MAK: variants seen among roughly 807,000 people sequenced by gnomAD.
MAK encodes the protein serine/threonine-protein kinase MAK.
A neutral mutation model predicts 82.6 loss-of-function variants in MAK; 65 were observed. The ratio of observed to expected loss-of-function variants is 0.79; its 90% CI spans 0.64 to 0.97. The LOEUF (loss-of-function observed/expected upper bound fraction) is 0.97. MAK is among the 50% of genes least tolerant of loss of function. The probability of loss-of-function intolerance (pLI) is 0.00; values close to 1 mark genes in which losing one functional copy is unlikely to be tolerated. For missense variants in MAK, 703 were observed against 780.2 expected, an observed-to-expected ratio of 0.90 and a Z score of 1.18; for synonymous variants, 250 against 274.2, an observed-to-expected ratio of 0.91 and a Z score of 0.87.
chr6:10,812,275 C>T (rs922878539), intron 5 of MAK, among the ~76,000 whole-genome samples: 4 of 151,996 alleles, frequency 2.6e-5, no homozygotes, highest in Non-Finnish European at 5.9e-5. Context: ...TTTTCCAGTG[C>T]CTATGTTCAG....
At chr6:10,799,561 G>T (rs1184980742) in intron 8 of MAK, among the ~76,000 whole-genome samples, 5 of 152,126 alleles carry the variant, frequency 3.3e-5, no homozygotes, top group Admixed American at 1.3e-4. Context: ...TTTGAGACCA[G>T]TCAGGACAAC....
At chr6:10,770,797 G>GC (rs1361924172) in intron 13 of MAK, among the ~76,000 whole-genome samples, 1 of 152,116 alleles carries the variant, frequency 6.6e-6, no homozygotes, top group African/African-American at 2.4e-5. Context: ...GCTCAATCTG[G>GC]CGTTAGCATA....
intron 1 of MAK, among the ~76,000 whole-genome samples, chr6:10,834,255 A>G (rs574383612): frequency 2.0e-5 from 3 of 152,222 alleles, no homozygotes; most frequent in Non-Finnish European, 4.4e-5. Context: ...AAGTAAGCAT[A>G]AAGAGAATAT....
At chr6:10,807,123 C>T (rs1387486133) in intron 6 of MAK, among the ~76,000 whole-genome samples, 2 of 151,912 alleles carry the variant, frequency 1.3e-5, no homozygotes, top group East Asian at 1.9e-4. Context: ...TCATTCTGCA[C>T]TGTGCAGAAT....
intron 11 of MAK, chr6:10,780,330 CAG>C (rs1005740257): frequency 8.2e-6 from 6 of 729,860 alleles, no homozygotes; most frequent in Non-Finnish European, 1.0e-5. Context: ...ACTATGAAAA[CAG>C]GGTGCTTTGG....
At chr6:10,798,892 C>T (rs1186831217) in intron 8 of MAK, among the ~76,000 whole-genome samples, 2 of 151,970 alleles carry the variant, frequency 1.3e-5, no homozygotes, top group South Asian at 2.1e-4. Flanking sequence ...TGCAGTGGCA[C>T]GATCTTGGCT....
intron 9 of MAK, among the ~76,000 whole-genome samples, chr6:10,794,631 C>T (rs1775357654): frequency 6.6e-6 from 1 of 152,068 alleles, no homozygotes; most frequent in Non-Finnish European, 1.5e-5. Flanking sequence ...AATACTACAG[C>T]AACTGAAGAG....
Position 10,773,085 on chromosome 6 carries a change from C to T in MAK, c.1621G>A (p.Glu541Lys), listed in dbSNP as rs769238012. Reference protein sequence around the residue: ...NAEESIIKPIEKLSCNETFPE... With the variant: ...NAEESIIKPIKKLSCNETFPE... ...AAAGTTTCATTGCATGATAGTTTTT[C>T]GATTGGTTTAATTATGCTTTCTTCT... Residue 541 changes from glutamate to lysine, a missense_variant, in exon 13 of 15, where the codon GAA becomes AAA. Glu to Lys is a moderately conservative substitution (Grantham distance 56). Transcript: ENST00000354489. 7.2e-6 allele frequency: 11 copies of T among 1,525,050 alleles called. No homozygotes were observed. The highest frequency in any genetic ancestry group is 1.4e-5 in the African/African-American group (1 of 72,798). 94.5% of individuals were successfully genotyped at this position (1,525,050 alleles called of 1,614,324 possible).
intron 10 of MAK, among the ~76,000 whole-genome samples, 197 bp downstream of exon 10, chr6:10,791,478 G>A (rs1020769574): frequency 5.9e-5 from 9 of 152,024 alleles, no homozygotes; most frequent in African/African-American, 2.2e-4. Flanking sequence ...TGTCAGCCAG[G>A]CTAGTTTCAA....
chr6:10,818,613 C>CAA (rs35999127), intron 3 of MAK, among the ~76,000 whole-genome samples: 12 of 111,086 alleles, frequency 1.1e-4, no homozygotes, highest in Middle Eastern at 4.7e-3. Flanking sequence ...GACTCTGTCA[C>CAA]AAAAAAAAAA....
At chr6:10,813,152 T>G (rs1777188332) in intron 5 of MAK, among the ~76,000 whole-genome samples, 1 of 49,966 alleles carries the variant, frequency 2.0e-5, no homozygotes, top group East Asian at 6.1e-4. Flanking sequence ...TTTTTTTTTT[T>G]TTTTTTTTTT....
At position 10,769,076 on chromosome 6, in the gene MAK, C is replaced by T. The variant is rs114514204; in HGVS notation, c.1792+1035G>A. Among the ~76,000 whole-genome samples, 1,197 of 152,164 alleles carry T rather than the reference C, an allele frequency of 7.9e-3. 17 individuals carry two copies. The highest frequency in any genetic ancestry group is 0.026 in the African/African-American group (1,090 of 41,490). ...AACATTTTTTTTAATTAGCTGGGCA[C>T]GGTCGTGTGTGCCTGTAGTCCCATC... On this transcript the variant is annotated intron_variant, in intron 14 of 14. Coordinates refer to ENST00000354489, the MANE Select transcript of MAK (RefSeq NM_001242957.3).
At chr6:10,781,269 T>A (rs1287189151) in intron 11 of MAK, among the ~76,000 whole-genome samples, 1 of 152,164 alleles carries the variant, frequency 6.6e-6, no homozygotes, top group Non-Finnish European at 1.5e-5. Context: ...CAACTTCCTA[T>A]ACAAAAATGT....
chr6:10,828,020 GT>G (rs1355248943), intron 2 of MAK, among the ~76,000 whole-genome samples: 1 of 151,640 alleles, frequency 6.6e-6, no homozygotes, highest in Non-Finnish European at 1.5e-5. Context: ...ATCAATGTTT[GT>G]TTTTTTTAGT....
chr6:10,766,764 T>A (rs541413389), intron 14 of MAK, among the ~76,000 whole-genome samples: 2 of 152,244 alleles, frequency 1.3e-5, no homozygotes, highest in East Asian at 3.9e-4. Context: ...GGCATTAGGC[T>A]AATGGGTGTG....
At chr6:10,794,231 C>T (rs1775320426) in intron 9 of MAK, among the ~76,000 whole-genome samples, 1 of 152,166 alleles carries the variant, frequency 6.6e-6, no homozygotes, top group Non-Finnish European at 1.5e-5. Context: ...TAAAAGTGGA[C>T]TCCCCAGGAC....
chr6:10,822,566 G>A (rs1778042196), intron 2 of MAK, among the ~76,000 whole-genome samples: 1 of 152,158 alleles, frequency 6.6e-6, no homozygotes, highest in African/African-American at 2.4e-5. Context: ...CTAAGGCAAT[G>A]CATGTATCTA....
intron 10 of MAK, among the ~76,000 whole-genome samples, chr6:10,785,528 G>A (rs889146062): frequency 6.6e-6 from 1 of 152,192 alleles, no homozygotes; most frequent in African/African-American, 2.4e-5. Flanking sequence ...ACTCACTTGG[G>A]TGGCCCTTTG....
chr6:10,810,397 T>C (rs1431443148), intron 5 of MAK, among the ~76,000 whole-genome samples: 1 of 148,576 alleles, frequency 6.7e-6, no homozygotes, highest in Non-Finnish European at 1.5e-5. Context: ...TGGAGTGTAG[T>C]GGCGCAATCT....
Sources: allele counts gnomAD v4.1 joint callset (sites outside exome capture counted in the v4.1 genomes callset), GRCh38; gene constraint gnomAD v4.1.1; transcripts MANE v1.5; gene names NCBI Gene and HGNC (gene_info 2026-07-23, HGNC 2026-07-21).